The following SGCD variants were observed in gnomAD, a reference collection of about 807,000 sequenced individuals.
The protein encoded by SGCD is sarcoglycan delta, also known as delta-sarcoglycan.
SGCD carries 18 observed loss-of-function variants against 36.6 expected under a neutral mutation model. That is an observed-to-expected ratio of 0.49 (90% CI 0.34 to 0.73). The LOEUF is 0.73. SGCD is among the 30% of genes least tolerant of loss of function. The pLI, the probability that SGCD is intolerant of heterozygous loss-of-function variation, is 0.01. For synonymous variants in SGCD, 133 were observed against 130.6 expected, an observed-to-expected ratio of 1.02 and a Z score of -0.12; for missense variants, 387 against 346.7, an observed-to-expected ratio of 1.12 and a Z score of -0.92.
At chr5:156,160,066 C>T (rs572500235) in intron 3 of SGCD, among the ~76,000 whole-genome samples, 14 of 151,612 alleles carry the variant, frequency 9.2e-5, no homozygotes, top group South Asian at 2.1e-4. Flanking sequence ...GTATAATTCA[C>T]GAACTGAAAT....
intron 3 of SGCD, among the ~76,000 whole-genome samples, chr5:156,182,484 G>A (rs1225197018): frequency 6.6e-6 from 1 of 152,120 alleles, no homozygotes; most frequent in Non-Finnish European, 1.5e-5. Context: ...CCAGCTACTC[G>A]GGAGGCTGAG....
chr5:156,344,424 T>G, intron 2 of SGCD, 65 bp from the exon 3 acceptor site: 1 of 1,176,808 alleles, frequency 8.5e-7, no homozygotes, highest in Non-Finnish European at 1.2e-6. Flanking sequence ...TTTTTTTCCT[T>G]TATTTTTTTT....
chr5:156,369,279 T>G (rs1375707213), intron 3 of SGCD, among the ~76,000 whole-genome samples: 1 of 152,186 alleles, frequency 6.6e-6, no homozygotes, highest in African/African-American at 2.4e-5. Flanking sequence ...TTTATGTCCC[T>G]TAAGTGTACC....
intron 7 of SGCD, among the ~76,000 whole-genome samples, chr5:156,718,963 T>C (rs1422820252): frequency 6.6e-6 from 1 of 152,158 alleles, no homozygotes; most frequent in Non-Finnish European, 1.5e-5. Flanking sequence ...TACTCTTTTC[T>C]TCTCCTCCTC....
At chr5:155,849,535 C>G in the SGCD span, among the ~76,000 whole-genome samples, 68 of 152,196 alleles carry the variant, frequency 4.5e-4, no homozygotes, top group African/African-American at 1.6e-3. Context: ...TACCTGTGGA[C>G]TCTTTAATGG....
At chr5:156,652,749 G>C (rs928049146) in intron 7 of SGCD, among the ~76,000 whole-genome samples, 1 of 151,904 alleles carries the variant, frequency 6.6e-6, no homozygotes, top group Non-Finnish European at 1.5e-5. Context: ...TATTTGGGGG[G>C]TATGTTCTTT....
intron 3 of SGCD, among the ~76,000 whole-genome samples, chr5:156,409,625 G>T (rs1166363970): frequency 3.9e-5 from 6 of 152,090 alleles, no homozygotes; most frequent in African/African-American, 9.7e-5. Flanking sequence ...CAGAATAATT[G>T]TGTGGCCTTT....
the SGCD span, among the ~76,000 whole-genome samples, chr5:155,853,254 T>C: frequency 6.6e-6 from 1 of 152,124 alleles, no homozygotes; most frequent in East Asian, 1.9e-4. Flanking sequence ...GAGCCCACCC[T>C]TCTCATTTAG....
intron 1 of SGCD, among the ~76,000 whole-genome samples, chr5:156,070,179 C>T (rs139257230): frequency 0.23 from 33,561 of 144,564 alleles, 5,253 homozygotes; most frequent in African/African-American, 0.41. Context: ...TGAATAGGAG[C>T]GGTGAGAGAG....
intron 4 of SGCD, among the ~76,000 whole-genome samples, chr5:156,556,776 A>T (rs1268020909): frequency 6.6e-6 from 1 of 152,190 alleles, no homozygotes; most frequent in Non-Finnish European, 1.5e-5. Flanking sequence ...TTCTTTATTG[A>T]TGGACAACTA....
chr5:155,879,676 T>C (rs992019932), intron 1 of SGCD, among the ~76,000 whole-genome samples: 1 of 152,176 alleles, frequency 6.6e-6, no homozygotes, highest in African/African-American at 2.4e-5. Flanking sequence ...TACTACATGA[T>C]ATCTTATTAT....
At chr5:156,288,624 G>A (rs778330037) in intron 3 of SGCD, among the ~76,000 whole-genome samples, 3 of 152,094 alleles carry the variant, frequency 2.0e-5, no homozygotes, top group Non-Finnish European at 4.4e-5. Flanking sequence ...TGGTTTCATG[G>A]GACTGAAGAT....
intron 7 of SGCD, among the ~76,000 whole-genome samples, chr5:156,734,494 T>C (rs1158539360): frequency 2.6e-5 from 4 of 152,184 alleles, no homozygotes; most frequent in African/African-American, 4.8e-5. Context: ...GGCTCCATTC[T>C]CCTCATCTTT....
chr5:156,690,165 A>G (rs184971448), intron 7 of SGCD, among the ~76,000 whole-genome samples: 1 of 152,342 alleles, frequency 6.6e-6, no homozygotes, highest in East Asian at 1.9e-4. Context: ...TAAGTACTAT[A>G]CTAGCCCTGT....
chr5:156,110,919 G>A (rs1241742135), intron 1 of SGCD, among the ~76,000 whole-genome samples: 3 of 152,090 alleles, frequency 2.0e-5, no homozygotes, highest in African/African-American at 7.2e-5. Context: ...TAAATTGTGA[G>A]GGTAAATGTG....
chr5:155,877,870 A>G (rs751122208), intron 1 of SGCD, among the ~76,000 whole-genome samples: 38 of 152,242 alleles, frequency 2.5e-4, no homozygotes, highest in African/African-American at 7.5e-4. Context: ...ACTATAGGAA[A>G]GGGTCAGTAT....
the SGCD span, among the ~76,000 whole-genome samples, chr5:155,727,854 C>G: frequency 3.3e-5 from 5 of 152,194 alleles, no homozygotes; most frequent in African/African-American, 1.2e-4. Flanking sequence ...CGCTGGGAAT[C>G]CGCACACTCC....
intron 1 of SGCD, among the ~76,000 whole-genome samples, chr5:155,915,740 A>T (rs1756721352): frequency 6.6e-6 from 1 of 152,214 alleles, no homozygotes; most frequent in Admixed American, 6.5e-5. Context: ...TCAAAACCTA[A>T]ATTATTTGAA....
chr5:156,360,818 C>G (rs1327909406), intron 3 of SGCD, among the ~76,000 whole-genome samples: 1 of 152,094 alleles, frequency 6.6e-6, no homozygotes, highest in Non-Finnish European at 1.5e-5. Context: ...TCACTTAATA[C>G]AAATCTTAGC....
Sources: allele counts gnomAD v4.1 joint callset (sites outside exome capture counted in the v4.1 genomes callset), GRCh38; gene constraint gnomAD v4.1.1; transcripts MANE v1.5; gene names NCBI Gene and HGNC (gene_info 2026-07-23, HGNC 2026-07-21).